The following MYO5A variants were observed in gnomAD, a reference collection of about 807,000 sequenced individuals.
MYO5A encodes unconventional myosin-Va.
MYO5A carries 98 observed loss-of-function variants against 249.7 expected under a neutral mutation model. The ratio of observed to expected loss-of-function variants is 0.39; its 90% CI spans 0.33 to 0.46. MYO5A has a LOEUF of 0.46. Ranked by LOEUF, MYO5A falls within the 20% of genes least tolerant of loss-of-function variation. The pLI, the probability that MYO5A is intolerant of heterozygous loss-of-function variation, is 0.98. For missense variants in MYO5A, 1,696 were observed against 2,308.8 expected (o/e 0.73, Z 5.44); for synonymous variants, 778 against 810.6 (o/e 0.96, Z 0.68).
At chr15:52,363,128 C>G (rs530084666) in intron 24 of MYO5A, among the ~76,000 whole-genome samples, 51 of 152,232 alleles carry the variant, frequency 3.4e-4, no homozygotes, top group African/African-American at 1.2e-3. Flanking sequence ...ATAACTGAAA[C>G]AGAGATTAAC....
intron 1 of MYO5A, among the ~76,000 whole-genome samples, chr15:52,452,269 G>C (rs1281891751): frequency 6.6e-6 from 1 of 152,124 alleles, no homozygotes; most frequent in African/African-American, 2.4e-5. Flanking sequence ...AAGATAATCA[G>C]ACTCCTATAT....
chr15:52,512,877 C>T (rs1399201811), intron 1 of MYO5A, among the ~76,000 whole-genome samples: 1 of 152,002 alleles, frequency 6.6e-6, no homozygotes, highest in Non-Finnish European at 1.5e-5. Flanking sequence ...CCTGTAATCC[C>T]AGCACTTTGG....
At chr15:52,345,232 A>G (rs1488934770) in intron 30 of MYO5A, among the ~76,000 whole-genome samples, 2 of 152,216 alleles carry the variant, frequency 1.3e-5, no homozygotes, top group African/African-American at 4.8e-5. Flanking sequence ...TGTAATATGT[A>G]ATCTCTAGAC....
At chr15:52,355,850 T>C (rs980964841) in intron 25 of MYO5A, among the ~76,000 whole-genome samples, 1 of 152,200 alleles carries the variant, frequency 6.6e-6, no homozygotes, top group Admixed American at 6.5e-5. Context: ...CAATCCCCTG[T>C]GGAAACCGAG....
At chr15:52,443,293 A>G (rs2075821464) in intron 1 of MYO5A, among the ~76,000 whole-genome samples, 1 of 152,218 alleles carries the variant, frequency 6.6e-6, no homozygotes, top group Admixed American at 6.5e-5. Context: ...ACAGCAAAAA[A>G]ACAATCTGAG....
intron 4 of MYO5A, among the ~76,000 whole-genome samples, chr15:52,419,995 T>G (rs11856810): frequency 0.15 from 22,441 of 152,068 alleles, 1,779 homozygotes; most frequent in Middle Eastern, 0.22. Flanking sequence ...TACAACAGCG[T>G]TGAGAGGTGA....
chr15:52,356,754 G>A (rs1434604116), intron 25 of MYO5A, among the ~76,000 whole-genome samples: 1 of 145,044 alleles, frequency 6.9e-6, no homozygotes, highest in Non-Finnish European at 1.5e-5. Context: ...TCAGTTAATA[G>A]ACCAAAAGTG....
rs144118446 is a variant in MYO5A, at chr15:52,466,619, C to T, written c.28-33334G>A. Reference sequence around the variant, plus strand: ...ACCACCCTCCCTTCCCAGGCTGAGACATCAGCATAACAGTGGTCAGCCCTA... The same window carrying T: ...ACCACCCTCCCTTCCCAGGCTGAGATATCAGCATAACAGTGGTCAGCCCTA... On this transcript the variant is annotated intron_variant, in intron 1 of 41. Coordinates refer to ENST00000399233, the MANE Select transcript of MYO5A (RefSeq NM_001382347.1). Among the ~76,000 whole-genome samples, 239 of 152,302 alleles carry T rather than the reference C, an allele frequency of 1.6e-3. 2 individuals carry two copies. In the East Asian group the frequency reaches 0.034, roughly 21 times the overall value.
intron 38 of MYO5A, 31 bp downstream of exon 38, chr15:52,321,328 G>A (rs2140929881): frequency 6.2e-7 from 1 of 1,613,858 alleles, no homozygotes; most frequent in East Asian, 2.2e-5. Context: ...TGATAGGCAG[G>A]CTGCAATGCC....
At chr15:52,359,528 C>T (rs1452987198) in intron 25 of MYO5A, among the ~76,000 whole-genome samples, 1 of 152,082 alleles carries the variant, frequency 6.6e-6, no homozygotes, top group Non-Finnish European at 1.5e-5. Context: ...CTCTGGGGCA[C>T]TGGTGTTTAT....
chr15:52,389,416 T>C (rs1482507063), intron 12 of MYO5A, 53 bp from the exon 13 acceptor site: 6 of 1,538,372 alleles, frequency 3.9e-6, no homozygotes, highest in Non-Finnish European at 5.3e-6. Context: ...CTGTGATTCC[T>C]CTAAAGCATC....
chr15:52,417,733 C>T (rs1386351928), intron 4 of MYO5A, among the ~76,000 whole-genome samples: 1 of 152,098 alleles, frequency 6.6e-6, no homozygotes, highest in African/African-American at 2.4e-5. Context: ...TGAGTTTAAG[C>T]TGATTTCCTC....
chr15:52,366,950 G>C (rs2040842344), intron 23 of MYO5A, 81 bp downstream of exon 23: 2 of 1,136,010 alleles, frequency 1.8e-6, no homozygotes, highest in Admixed American at 1.7e-5. Context: ...AAATAATGTT[G>C]TGTAACTCAT....
intron 36 of MYO5A, among the ~76,000 whole-genome samples, chr15:52,325,384 C>A (rs1269557932): frequency 6.6e-6 from 1 of 151,560 alleles, no homozygotes; most frequent in Non-Finnish European, 1.5e-5. Flanking sequence ...CATTAGTGGG[C>A]TCTAGGCTTT....
chr15:52,449,115 C>G lies in MYO5A; in HGVS notation c.28-15830G>C, dbSNP rs189263759. ...TCCTGAGTACCTTGGATTACAGGCA[C>G]GTGCCACCACGCCTGGCTAATTTTT... On this transcript the variant is annotated intron_variant, in intron 1 of 41. Coordinates refer to ENST00000399233, the MANE Select transcript of MYO5A (RefSeq NM_001382347.1). Among the ~76,000 whole-genome samples the G allele has an allele frequency of 7.2e-5, 11 of 151,786 alleles. No homozygotes were observed. The East Asian group carries it at 1.7e-3, about 24-fold the overall frequency.
chr15:52,371,188 T>C lies in MYO5A; in HGVS notation c.2818-771A>G, dbSNP rs944237814. ...CTCACAAATCTTTATGTTTACTACC[T>C]CAAAATTTCTCCCTCCCACTCAGAA... On this transcript the variant is annotated intron_variant, in intron 21 of 41. Coordinates refer to ENST00000399233, the MANE Select transcript of MYO5A (RefSeq NM_001382347.1). Among the ~76,000 whole-genome samples, 4 of 151,974 alleles carry C rather than the reference T, an allele frequency of 2.6e-5. No individual in the cohort carries two copies. The South Asian group carries it at 6.2e-4, about 24-fold the overall frequency.
chr15:52,351,490 A>G lies in MYO5A; in HGVS notation c.3622-9T>C, dbSNP rs747465542. The G allele has an allele frequency of 6.2e-7, 1 of 1,611,986 alleles. No individual in the cohort carries two copies. The highest frequency in any genetic ancestry group is 8.5e-7 in the Non-Finnish European group (1 of 1,178,146). On this transcript the variant is annotated splice_polypyrimidine_tract_variant and intron_variant, in intron 27 of 41. Transcript: ENST00000399233. Reference sequence around the variant, plus strand: ...GATTCTAGTTCTTGACGCTGTATGAAAAGACAAAGAAAAGTTCATTGCTGT... The same window carrying G: ...GATTCTAGTTCTTGACGCTGTATGAGAAGACAAAGAAAAGTTCATTGCTGT...
chr15:52,368,116 G>A (rs1361784425), intron 22 of MYO5A, among the ~76,000 whole-genome samples: 1 of 152,128 alleles, frequency 6.6e-6, no homozygotes, highest in Non-Finnish European at 1.5e-5. Context: ...TTAATAATAG[G>A]GAGAGAACTG....
chr15:52,407,243 G>T, intron 8 of MYO5A, 49 bp downstream of exon 8: 1 of 1,338,632 alleles, frequency 7.5e-7, no homozygotes, highest in Non-Finnish European at 1.1e-6. Flanking sequence ...AAGGTTGCTT[G>T]AGTAAAAAAG....
Sources: gnomAD v4.1 joint callset for allele counts (sites outside exome capture counted in the v4.1 genomes callset) on GRCh38, gnomAD v4.1.1 for gene constraint, MANE v1.5 for transcripts, NCBI Gene and HGNC (gene_info 2026-07-23, HGNC 2026-07-21) for gene names.